Variants in AHNAK observed in about 807,000 individuals in gnomAD.
AHNAK encodes the protein neuroblast differentiation-associated protein AHNAK.
A neutral mutation model predicts 37.8 loss-of-function variants in AHNAK; 23 were observed. The observed-to-expected ratio is 0.61, with a 90% CI of 0.44 to 0.86. AHNAK has a LOEUF of 0.86. AHNAK is among the 40% of genes least tolerant of loss of function. The pLI, the probability that AHNAK is intolerant of heterozygous loss-of-function variation, is 0.00. For synonymous variants in AHNAK, 2,481 were observed against 2,636.3 expected (o/e 0.94, Z 1.80); for missense variants, 7,411 against 7,319.4 (o/e 1.01, Z -0.46).
At position 62,535,973 on chromosome 11, in the gene AHNAK, A is replaced by G; in HGVS notation, c.126T>C (p.Pro42=). The change falls in exon 3 of 5, where the codon CCT becomes CCC. Residue 42 remains proline, a synonymous_variant. Transcript: ENST00000378024. The part of the protein sequence containing the change: ...VFVQEVTQNS[P]AARTGVVKEG... Reference sequence around the variant, plus strand: ...CCTTGACCACCCCAGTGCGGGCCGCAGGGGAGTTCTGCGTCACCTCCTGCA... The same window carrying G: ...CCTTGACCACCCCAGTGCGGGCCGCGGGGGAGTTCTGCGTCACCTCCTGCA... 6.2e-7 allele frequency: 1 copy of G among 1,612,232 alleles called. No individual in the cohort carries two copies. The highest frequency in any genetic ancestry group is 8.5e-7 in the Non-Finnish European group (1 of 1,179,410).
At position 62,529,339 on chromosome 11, in the gene AHNAK, T is replaced by C. The variant is rs1426682112; in HGVS notation, c.5078A>G (p.Lys1693Arg). ...KVPDVDIKGP[K>R]VDIDAPDVEV... Reference sequence around the variant, plus strand: ...CACATCTGGGGCATCAATGTCCACTTTGGGCCCTTTAATGTCAACATCTGG... The same window carrying C: ...CACATCTGGGGCATCAATGTCCACTCTGGGCCCTTTAATGTCAACATCTGG... Residue 1693 changes from lysine (K) to arginine (R), a missense_variant, in exon 5 of 5, where the codon AAA becomes AGA. By Grantham distance (26) the Lys-to-Arg change is conservative (BLOSUM62 2). Transcript: ENST00000378024. 8.1e-6 allele frequency: 13 copies of C among 1,614,080 alleles called. No homozygotes were observed. Among genetic ancestry groups the C allele is most frequent in the Non-Finnish European group, 1.0e-5 (12 of 1,180,018 alleles).
intron 5 of AHNAK, among the ~76,000 whole-genome samples, chr11:62,460,401 A>C (rs1297175918): frequency 1.3e-5 from 2 of 152,168 alleles, no homozygotes; most frequent in African/African-American, 4.8e-5. Flanking sequence ...GATGGACTGG[A>C]GACCCTGATC....
rs368254103 is a variant in AHNAK at position 62,438,870 on chromosome 11, C to T, written c.443-4979G>A. Among the ~76,000 whole-genome samples, 50 of 152,250 alleles carry T rather than the reference C, an allele frequency of 3.3e-4. No individual in the cohort carries two copies. The East Asian group carries it at 9.6e-3, about 29-fold the overall frequency. On this transcript the variant is annotated intron_variant, in intron 5 of 5. Transcript: ENST00000257247. ...GCAAAGGTCTCATAGAAAAACTAAT[C>T]ATGACCGGCTCACATGAGAATGCTC...
At position 62,520,377 on chromosome 11, in the gene AHNAK, G is replaced by A. The variant is rs781616197; in HGVS notation, c.14040C>T (p.Asp4680=). ...PDVDVNLPKA[D]IDVSGPKVDV... ...CCACTTTGGGTCCTGAGACATCAAT[G>A]TCAGCCTTGGGCAGGTTCACATCCA... Residue 4680 remains aspartate, a synonymous_variant, in exon 5 of 5, where the codon GAC becomes GAT. Transcript: ENST00000378024. 2.5e-5 allele frequency: 40 copies of A among 1,612,726 alleles called. No individual in the cohort carries two copies. The highest frequency in any genetic ancestry group is 3.3e-5 in the Non-Finnish European group (39 of 1,179,786).
At chr11:62,493,914 G>A (rs866147957) in intron 4 of AHNAK, among the ~76,000 whole-genome samples, 1 of 152,076 alleles carries the variant, frequency 6.6e-6, no homozygotes, top group Admixed American at 6.5e-5. Context: ...TCTAGATGCT[G>A]AGACAATAAA....
At position 62,522,283 on chromosome 11, in the gene AHNAK, T is replaced by C. The variant is rs762667961; in HGVS notation, c.12134A>G (p.Asp4045Gly). ...GCCATGAACATCCACATCTGGGGCA[T>C]CAATGTCCACTTTGGGGCCCTTGAT... The part of the protein sequence containing the change: ...VDIKGPKVDI[D>G]APDVDVHGPD... The change falls in exon 5 of 5, where the codon GAT (aspartate) becomes GGT (glycine). Residue 4045 changes from aspartate (D) to glycine (G), a missense_variant. Asp to Gly is a moderately conservative substitution (Grantham distance 94, BLOSUM62 -1). Coordinates refer to ENST00000378024, the MANE Select transcript of AHNAK (RefSeq NM_001620.3). 3.1e-5 allele frequency: 50 copies of C among 1,613,404 alleles called. No homozygotes were observed. The highest frequency in any genetic ancestry group is 3.8e-5 in the Non-Finnish European group (45 of 1,179,914).
chr11:62,480,234 C>T lies in AHNAK; in HGVS notation c.442+11498G>A, dbSNP rs1199272123. ...ATCTTGCCTCGGATCCTTTCTAAATCCCTTTAGCAGTTGATACTTTAGGGG... is the reference window on the plus strand; with the variant it reads ...ATCTTGCCTCGGATCCTTTCTAAATTCCTTTAGCAGTTGATACTTTAGGGG... On this transcript the variant is annotated intron_variant, in intron 5 of 5. Coordinates refer to the AHNAK transcript ENST00000257247. 2.6e-5 allele frequency among the ~76,000 whole-genome samples: 4 copies of T among 152,278 alleles called. 1 individual carries two copies. Among genetic ancestry groups the T allele is most frequent in the Middle Eastern group, 6.8e-3 (2 of 294 alleles).
intron 4 of AHNAK, among the ~76,000 whole-genome samples, chr11:62,502,064 C>T (rs1359367596): frequency 2.6e-5 from 4 of 152,200 alleles, no homozygotes; most frequent in Non-Finnish European, 4.4e-5. Flanking sequence ...CTTCCACACC[C>T]GAGCACTCCT....
At chr11:62,514,999 T>C (rs1007950616), downstream of AHNAK, among the ~76,000 whole-genome samples, 10 of 152,044 alleles carry the variant, frequency 6.6e-5, no homozygotes, top group African/African-American at 2.4e-4. Context: ...AAATGGGGCA[T>C]CTCTAAGGAA....
intron 4 of AHNAK, among the ~76,000 whole-genome samples, chr11:62,492,370 A>G (rs1939518441): frequency 6.6e-6 from 1 of 152,124 alleles, no homozygotes; most frequent in Non-Finnish European, 1.5e-5. Context: ...TAGATCTCCA[A>G]TCAGAGGTCG....
chr11:62,448,819 C>T (rs1938472312), intron 5 of AHNAK, among the ~76,000 whole-genome samples: 1 of 152,214 alleles, frequency 6.6e-6, no homozygotes, highest in African/African-American at 2.4e-5. Context: ...CCTATAATCC[C>T]AGCACTTTGG....
intron 4 of AHNAK, 70 bp from the exon 5 acceptor site, chr11:62,534,144 C>T: frequency 6.9e-7 from 1 of 1,459,678 alleles, no homozygotes; most frequent in Non-Finnish European, 9.1e-7. Context: ...CGGCCACAGC[C>T]CAGCCGACAA....
At chr11:62,507,004 C>A (rs1310983507) in intron 4 of AHNAK, among the ~76,000 whole-genome samples, 1 of 152,124 alleles carries the variant, frequency 6.6e-6, no homozygotes, top group African/African-American at 2.4e-5. Flanking sequence ...TGCTCCCTGG[C>A]CTGACCCTGC....
At position 62,529,801 on chromosome 11, in the gene AHNAK, A is replaced by C. The variant is rs761482812; in HGVS notation, c.4616T>G (p.Leu1539Arg). 1.9e-6 allele frequency: 3 copies of C among 1,614,108 alleles called. No individual in the cohort carries two copies. The Admixed American group carries it at 5.0e-5, about 27-fold the overall frequency. ...EVDMNLPKAD[L>R]GVSGPKVDID... ...GTCCACCTTGGGTCCTGAAACACCA[A>C]GGTCAGCCTTGGGCAGGTTCATATC... Residue 1539 changes from leucine to arginine, a missense_variant, in exon 5 of 5, where the codon CTT (leucine) becomes CGT (arginine). Leu to Arg is a moderately radical substitution (Grantham distance 102). Coordinates refer to ENST00000378024, the MANE Select transcript of AHNAK (RefSeq NM_001620.3).
intron 5 of AHNAK, among the ~76,000 whole-genome samples, chr11:62,484,977 C>T (rs558055842): frequency 6.8e-4 from 104 of 151,978 alleles, no homozygotes; most frequent in Non-Finnish European, 1.0e-3. Context: ...TTAGTAGAGA[C>T]GGGGTTTCTC....
chr11:62,546,328 G>C (rs1318579452), intron 1 of AHNAK, among the ~76,000 whole-genome samples: 2 of 152,256 alleles, frequency 1.3e-5, no homozygotes, highest in Non-Finnish European at 2.9e-5. Context: ...AGGGAGAGGA[G>C]GTGGGACAGA....
rs372612842 is a variant in AHNAK, at chr11:62,521,573, C to T, written c.12844G>A (p.Val4282Met). Residue 4282 changes from valine (V) to methionine (M), a missense_variant, in exon 5 of 5, where the codon GTG becomes ATG. By Grantham distance (21) the Val-to-Met change is conservative. Transcript: ENST00000378024. ...TCTGGGCCCTTGAGGTCACCTTCCA[C>T]TTTAGGAAGGGAAACATCCACATCA... ...KGDVDVSLPK[V>M]EGDLKGPEVD... 89 of 1,612,072 alleles carry T rather than the reference C, an allele frequency of 5.5e-5. No individual in the cohort carries two copies. Among genetic ancestry groups the T allele is most frequent in the African/African-American group, 5.4e-5 (4 of 74,216 alleles).
At chr11:62,492,084 T>C (rs1419932900) in intron 4 of AHNAK, among the ~76,000 whole-genome samples, 1 of 152,074 alleles carries the variant, frequency 6.6e-6, no homozygotes, top group Non-Finnish European at 1.5e-5. Context: ...CCGGGGAATC[T>C]CACACAAAGG....
chr11:62,464,969 G>A (rs7131033), intron 5 of AHNAK, among the ~76,000 whole-genome samples: 9,047 of 152,180 alleles, frequency 0.059, 883 homozygotes, highest in African/African-American at 0.2. Context: ...AGACACAGTC[G>A]GGAACCCCTT....
Sources: gnomAD v4.1 joint callset for allele counts (sites outside exome capture counted in the v4.1 genomes callset) on GRCh38, gnomAD v4.1.1 for gene constraint, MANE v1.5 for transcripts, NCBI Gene and HGNC (gene_info 2026-07-23, HGNC 2026-07-21) for gene names.